Variants in WIPF1 observed in about 807,000 individuals in gnomAD.
WIPF1 encodes the protein WAS/WASL interacting protein family member 1.
A neutral mutation model predicts 35.4 loss-of-function variants in WIPF1; 13 were observed. The observed-to-expected ratio is 0.37, with a 90% CI of 0.24 to 0.58. WIPF1 has a LOEUF of 0.58. Ranked by LOEUF, WIPF1 falls within the 20% of genes least tolerant of loss-of-function variation. The probability of loss-of-function intolerance (pLI) is 0.74; values close to 1 mark genes in which losing one functional copy is unlikely to be tolerated. For synonymous variants in WIPF1, 267 were observed against 266.3 expected (o/e 1.00, Z -0.02); for missense variants, 591 against 667.0 (o/e 0.89, Z 1.25).
At chr2:174,596,306 T>A (rs1028829636) in intron 1 of WIPF1, among the ~76,000 whole-genome samples, 5 of 152,220 alleles carry the variant, frequency 3.3e-5, no homozygotes, top group African/African-American at 9.6e-5. Context: ...GACCTTAGAC[T>A]GATAAAAGGA....
rs894428036 is a variant in WIPF1 at position 174,620,162 on chromosome 2, G to A, written c.-38-34551C>T. Among the ~76,000 whole-genome samples, 11 of 152,274 alleles carry A rather than the reference G, an allele frequency of 7.2e-5. No individual in the cohort carries two copies. The East Asian group carries it at 1.2e-3, about 16-fold the overall frequency. ...AGTCTCCAATGTTGAGACCACTGAC[G>A]CCTTAAAATGCTTTAGAATTTCAGA... On this transcript the variant is annotated intron_variant, in intron 1 of 8. Coordinates refer to the WIPF1 transcript ENST00000272746.
At chr2:174,618,669 T>G (rs986791881) in intron 1 of WIPF1, among the ~76,000 whole-genome samples, 1 of 152,202 alleles carries the variant, frequency 6.6e-6, no homozygotes, top group Admixed American at 6.5e-5. Context: ...TGGGTGCTGC[T>G]GATGCTGATG....
Position 174,568,077 on chromosome 2 carries a change from G to A in WIPF1, c.1130-4C>T, listed in dbSNP as rs771873177. 5 of 1,607,550 alleles carry A rather than the reference G, an allele frequency of 3.1e-6. No individual in the cohort carries two copies. The African/African-American group carries it at 5.4e-5, about 17-fold the overall frequency. Reference sequence around the variant, plus strand: ...GGAGGAGGTGGTGGGAGGGGGCCTGGAGCAAAAAAAGACACTTAGTGCAGA... The same window carrying A: ...GGAGGAGGTGGTGGGAGGGGGCCTGAAGCAAAAAAAGACACTTAGTGCAGA... On this transcript the variant is annotated splice_region_variant and splice_polypyrimidine_tract_variant and intron_variant, in intron 5 of 7. Transcript: ENST00000679041.
chr2:174,575,747 TG>T (rs1033031817), intron 3 of WIPF1, among the ~76,000 whole-genome samples: 8 of 148,958 alleles, frequency 5.4e-5, no homozygotes, highest in African/African-American at 2.0e-4. Flanking sequence ...GAGGCTGAGG[TG>T]GGAGGATCGC....
intron 1 of WIPF1, among the ~76,000 whole-genome samples, chr2:174,674,099 T>C (rs1016472423): frequency 1.3e-5 from 2 of 152,230 alleles, no homozygotes; most frequent in African/African-American, 4.8e-5. Flanking sequence ...TGGAGCTTTA[T>C]ATAAATAATT....
chr2:174,650,469 T>C (rs771701403), intron 1 of WIPF1, among the ~76,000 whole-genome samples: 29 of 152,226 alleles, frequency 1.9e-4, no homozygotes, highest in Non-Finnish European at 3.5e-4. Context: ...TTTACAGTTA[T>C]ACGGCAAACA....
At chr2:174,679,804 C>T (rs1480037343) in intron 1 of WIPF1, among the ~76,000 whole-genome samples, 2 of 152,150 alleles carry the variant, frequency 1.3e-5, no homozygotes, top group Non-Finnish European at 2.9e-5. Flanking sequence ...GTTATTTTGA[C>T]CTGACCATAA....
chr2:174,563,898 T>C (rs1383727510), intron 7 of WIPF1, among the ~76,000 whole-genome samples: 3 of 152,276 alleles, frequency 2.0e-5, no homozygotes, highest in Non-Finnish European at 2.9e-5. Flanking sequence ...GGAAGGGAGT[T>C]AGGAGAAAAC....
At chr2:174,572,821 C>T (rs1684919667) in intron 4 of WIPF1, among the ~76,000 whole-genome samples, 1 of 152,156 alleles carries the variant, frequency 6.6e-6, no homozygotes, top group African/African-American at 2.4e-5. Context: ...TCCTCATCAC[C>T]ATCTCTGTCT....
chr2:174,568,416 G>A (rs1441874543), intron 5 of WIPF1, among the ~76,000 whole-genome samples: 2 of 152,154 alleles, frequency 1.3e-5, no homozygotes, highest in African/African-American at 2.4e-5. Flanking sequence ...CCTTTAAAGA[G>A]CTATTGAACT....
intron 1 of WIPF1, among the ~76,000 whole-genome samples, chr2:174,682,620 G>A (rs550630863): frequency 6.6e-6 from 1 of 151,848 alleles, no homozygotes; most frequent in East Asian, 2.0e-4. Context: ...CGCTCGCAGG[G>A]GACGCGGCCT....
chr2:174,648,092 G>A (rs7574892), intron 1 of WIPF1, among the ~76,000 whole-genome samples: 66,914 of 152,040 alleles, frequency 0.44, 15,200 homozygotes, highest in Non-Finnish European at 0.48. Context: ...TGAAATGGCC[G>A]CAGACAGGCT....
chr2:174,571,359 G>A lies in WIPF1; in HGVS notation c.1129+317C>T, dbSNP rs985012476. 3 of 572,490 alleles carry A rather than the reference G, an allele frequency of 5.2e-6. No homozygotes were observed. Among genetic ancestry groups the A allele is most frequent in the Non-Finnish European group, 9.2e-6 (3 of 324,636 alleles). 35.5% of individuals were successfully genotyped at this position (572,490 alleles called of 1,614,324 possible). A position where few individuals can be genotyped will look rare whatever the true frequency, so the allele number is the denominator to read the frequency against. On this transcript the variant is annotated intron_variant, in intron 5 of 7. Coordinates refer to ENST00000679041, the MANE Select transcript of WIPF1 (RefSeq NM_001375834.1). This position sits in a 1 kb window ranked among gnomAD's most constrained non-coding sequence, Gnocchi z 4.6. Reference sequence around the variant, plus strand: ...CGCCGAAATTCTCTCTAGGGAGGCAGGGTAGTGGACTGGCAAGTACACTTC... The same window carrying A: ...CGCCGAAATTCTCTCTAGGGAGGCAAGGTAGTGGACTGGCAAGTACACTTC...
chr2:174,682,452 CG>C (rs1206673687), intron 1 of WIPF1, among the ~76,000 whole-genome samples: 1 of 152,176 alleles, frequency 6.6e-6, no homozygotes, highest in African/African-American at 2.4e-5. Flanking sequence ...CCCCACGGGG[CG>C]GCCCCGGGTC....
intron 1 of WIPF1, among the ~76,000 whole-genome samples, chr2:174,664,379 G>C (rs1005730601): frequency 6.6e-6 from 1 of 152,148 alleles, no homozygotes; most frequent in African/African-American, 2.4e-5. Flanking sequence ...CCTTAGTGCT[G>C]GGTTAGTCCA....
At position 174,677,151 on chromosome 2, in the gene WIPF1, C is replaced by CAA. The variant is rs35183461; in HGVS notation, c.-39+5621_-39+5622dup. ...TAGGTGACAGAGTGAGAAACTGTCT[C>CAA]AAAAAAAAAAAAGTCATCTTATATA... On this transcript the variant is annotated intron_variant, in intron 1 of 8. Transcript: ENST00000272746. The CAA allele has an allele frequency of 9.6e-4, 138 of 144,252 alleles. 1 individual carries two copies. Among genetic ancestry groups the CAA allele is most frequent in the Middle Eastern group, 3.5e-3 (1 of 286 alleles). 8.9% of individuals were successfully genotyped at this position (144,252 alleles called of 1,614,324 possible). A position where few individuals can be genotyped will look rare whatever the true frequency, so the allele number is the denominator to read the frequency against.
intron 1 of WIPF1, among the ~76,000 whole-genome samples, chr2:174,642,612 G>A (rs1292133599): frequency 6.6e-6 from 1 of 151,068 alleles, no homozygotes; most frequent in African/African-American, 2.5e-5. Flanking sequence ...CTCCCAAAGT[G>A]CTGGGATTAC....
intron 1 of WIPF1, among the ~76,000 whole-genome samples, chr2:174,627,304 A>C (rs977791964): frequency 6.6e-6 from 1 of 152,224 alleles, no homozygotes; most frequent in African/African-American, 2.4e-5. Flanking sequence ...ATACTTAATA[A>C]ATAAATCTGA....
At chr2:174,677,963 G>A (rs1292460132) in intron 1 of WIPF1, among the ~76,000 whole-genome samples, 1 of 152,184 alleles carries the variant, frequency 6.6e-6, no homozygotes, top group Non-Finnish European at 1.5e-5. Context: ...CCTTGGGCAA[G>A]TTACCTAAGT....
Sources: allele counts gnomAD v4.1 joint callset (sites outside exome capture counted in the v4.1 genomes callset), GRCh38; gene constraint gnomAD v4.1.1; non-coding constraint Gnocchi (gnomAD v3.1); transcripts MANE v1.5; gene names NCBI Gene and HGNC (gene_info 2026-07-23, HGNC 2026-07-21).